Variants in LYRM7 observed in about 807,000 individuals in gnomAD.
LYRM7 encodes the protein LYR motif containing 7, also known as complex III assembly factor LYRM7.
Under a neutral mutation model 15.8 loss-of-function variants are expected in LYRM7, and 9 were observed. The ratio of observed to expected loss-of-function variants is 0.57; its 90% CI spans 0.34 to 0.99. LYRM7 has a LOEUF of 0.99. Ranked by LOEUF, LYRM7 falls within the 50% of genes least tolerant of loss-of-function variation. LYRM7 has a pLI of 0.02. For synonymous variants in LYRM7, 39 were observed against 39.4 expected (o/e 0.99, Z 0.04); for missense variants, 115 against 119.1 (o/e 0.97, Z 0.16).
At chr5:131,173,386 A>C (rs907548909) in intron 1 of LYRM7, among the ~76,000 whole-genome samples, 2 of 152,248 alleles carry the variant, frequency 1.3e-5, no homozygotes, top group African/African-American at 4.8e-5. Context: ...GTCCCAGTGC[A>C]TATAAAAGTT....
chr5:131,196,726 G>T (rs1755970861), intron 4 of LYRM7, among the ~76,000 whole-genome samples: 1 of 151,642 alleles, frequency 6.6e-6, no homozygotes, highest in South Asian at 2.1e-4. Flanking sequence ...GAAGTACAGT[G>T]GCACGATCTC....
intron 4 of LYRM7, among the ~76,000 whole-genome samples, chr5:131,191,128 C>T (rs1263889668): frequency 6.6e-6 from 1 of 151,142 alleles, no homozygotes; most frequent in Non-Finnish European, 1.5e-5. Flanking sequence ...ATACATATTG[C>T]CTTAATAATA....
intron 1 of LYRM7, among the ~76,000 whole-genome samples, chr5:131,173,791 A>T (rs1409947922): frequency 6.6e-6 from 1 of 152,240 alleles, no homozygotes; most frequent in Non-Finnish European, 1.5e-5. Flanking sequence ...AAATAAAAAA[A>T]TACTTTTTTG....
At chr5:131,175,174 C>T (rs1755580873) in intron 1 of LYRM7, among the ~76,000 whole-genome samples, 1 of 150,032 alleles carries the variant, frequency 6.7e-6, no homozygotes, top group Admixed American at 6.6e-5. Context: ...TTGGCTTCAA[C>T]TCAAAGTCAC....
intron 4 of LYRM7, among the ~76,000 whole-genome samples, chr5:131,191,784 C>A (rs1755889446): frequency 6.6e-6 from 1 of 151,946 alleles, no homozygotes; most frequent in Admixed American, 6.6e-5. Flanking sequence ...AACTCTTATA[C>A]ACTGTTGGTG....
intron 2 of LYRM7, among the ~76,000 whole-genome samples, chr5:131,180,399 G>T (rs1755673003): frequency 6.6e-6 from 1 of 152,102 alleles, no homozygotes; most frequent in Non-Finnish European, 1.5e-5. Flanking sequence ...AAAGGCGAGG[G>T]ACCAGAATTT....
intron 3 of LYRM7, among the ~76,000 whole-genome samples, chr5:131,185,282 G>T (rs1031843056): frequency 4.6e-5 from 7 of 152,108 alleles, no homozygotes; most frequent in African/African-American, 1.7e-4. Flanking sequence ...TCTGACCTTT[G>T]TTACCTTGCC....
intron 2 of LYRM7, 69 bp from the exon 3 acceptor site, chr5:131,182,160 G>A: frequency 1.6e-6 from 2 of 1,245,196 alleles, no homozygotes; most frequent in Non-Finnish European, 2.1e-6. Flanking sequence ...AGTGAATAAT[G>A]TGTCAATTAT....
intron 1 of LYRM7, 78 bp from the exon 2 acceptor site, chr5:131,180,017 C>A: frequency 1.1e-6 from 1 of 937,668 alleles, no homozygotes; most frequent in Non-Finnish European, 1.7e-6. Flanking sequence ...AGCGATCCTG[C>A]TACCTCAACT....
rs2149668505 is a variant in LYRM7, at chr5:131,203,306, T to C, written c.*3705T>C. On this transcript the variant is annotated 3_prime_UTR_variant, in exon 5 of 5. Transcript: ENST00000379380. The stretch of plus-strand genomic sequence containing the variant: ...AAATAGACTTTTTAAAGTCTGGGAA[T>C]AGACTTCTAAAATAAGCTATAACAC... 1 of 152,384 alleles carries C rather than the reference T, an allele frequency of 6.6e-6. No homozygotes were observed. The highest frequency in any genetic ancestry group is 3.4e-3 in the Middle Eastern group (1 of 294). 9.4% of individuals were successfully genotyped at this position (152,384 alleles called of 1,614,324 possible).
In LYRM7 at chr5:131,199,562, A is replaced by T. The variant is rs780417046; in HGVS notation, c.276A>T (p.Glu92Asp). The change falls in exon 5 of 5, where the codon GAA becomes GAT. Residue 92 changes from glutamate to aspartate, a missense_variant. Physicochemically the swap from Glu to Asp is conservative, Grantham distance 45. Coordinates refer to ENST00000379380, the MANE Select transcript of LYRM7 (RefSeq NM_181705.4). ...TCCCTAGGAAAGACCTTCTTGTAGAAAATGTGCCATATTGTGATGCACCAA... is the reference window on the plus strand; with the variant it reads ...TCCCTAGGAAAGACCTTCTTGTAGATAATGTGCCATATTGTGATGCACCAA... ...KLVPRKDLLV[E>D]NVPYCDAPTQ... is the part of the protein sequence containing the mutation. 2 of 1,606,428 alleles carry T rather than the reference A, an allele frequency of 1.2e-6. No individual in the cohort carries two copies. Among genetic ancestry groups the T allele is most frequent in the Non-Finnish European group, 1.7e-6 (2 of 1,176,502 alleles).
At chr5:131,193,516 A>G (rs1755917111) in intron 4 of LYRM7, among the ~76,000 whole-genome samples, 1 of 152,122 alleles carries the variant, frequency 6.6e-6, no homozygotes, top group Non-Finnish European at 1.5e-5. Context: ...TATAATATAC[A>G]TAATGTGCTT....
At chr5:131,172,490 G>GA (rs1417733703) in intron 1 of LYRM7, among the ~76,000 whole-genome samples, 1 of 152,138 alleles carries the variant, frequency 6.6e-6, no homozygotes, top group Non-Finnish European at 1.5e-5. Context: ...CTAGAGAAGA[G>GA]AAAAAAGCAT....
Position 131,199,767 on chromosome 5 carries a change from A to C in LYRM7, c.*166A>C, listed in dbSNP as rs1239057104. On this transcript the variant is annotated 3_prime_UTR_variant, in exon 5 of 5. Transcript: ENST00000379380. ...TCATGTTAAAAGGTCATTACTGAGA[A>C]CTAAAGAACATAATTAAGTATTTCT... 6.9e-6 allele frequency: 3 copies of C among 434,774 alleles called. No individual in the cohort carries two copies. Among genetic ancestry groups the C allele is most frequent in the Non-Finnish European group, 1.2e-5 (3 of 240,120 alleles). 26.9% of individuals were successfully genotyped at this position (434,774 alleles called of 1,614,324 possible).
At position 131,187,047 on chromosome 5, in the gene LYRM7, A is replaced by G. The variant is rs1451408894; in HGVS notation, c.182A>G (p.Asp61Gly). The change falls in exon 4 of 5, where the codon GAT (aspartate) becomes GGT (glycine). Residue 61 changes from aspartate (D) to glycine (G), a missense_variant. Physicochemically the swap from Asp to Gly is moderately conservative, Grantham distance 94. Coordinates refer to ENST00000379380, the MANE Select transcript of LYRM7 (RefSeq NM_181705.4). The stretch of plus-strand genomic sequence containing the variant: ...TAACAGCTAATGAAAATAGGTTCTG[A>G]TGTTGAATTATTACTCAGAACATCT... Reference protein sequence around the residue: ...KIEELMKIGSDVELLLRTSVI... With the variant: ...KIEELMKIGSGVELLLRTSVI... 18 of 1,554,238 alleles carry G rather than the reference A, an allele frequency of 1.2e-5. No individual in the cohort carries two copies. Among genetic ancestry groups the G allele is most frequent in the Non-Finnish European group, 1.6e-5 (18 of 1,140,400 alleles).
At chr5:131,197,742 G>A (rs779164129) in intron 4 of LYRM7, among the ~76,000 whole-genome samples, 4 of 150,960 alleles carry the variant, frequency 2.6e-5, no homozygotes, top group Non-Finnish European at 3.0e-5. Flanking sequence ...ACAGAGTCTC[G>A]CTGTGTTTCC....
chr5:131,182,773 T>G (rs1288100405), intron 3 of LYRM7, among the ~76,000 whole-genome samples: 2 of 152,200 alleles, frequency 1.3e-5, no homozygotes, highest in Non-Finnish European at 2.9e-5. Context: ...TTGCTCTAGT[T>G]GAAGACACTG....
At chr5:131,192,821 A>G (rs906680482) in intron 4 of LYRM7, among the ~76,000 whole-genome samples, 2 of 152,150 alleles carry the variant, frequency 1.3e-5, no homozygotes, top group Non-Finnish European at 2.9e-5. Flanking sequence ...AGTTAGAAAA[A>G]TACTCAGGTT....
At chr5:131,184,451 C>T (rs1223128907) in intron 3 of LYRM7, among the ~76,000 whole-genome samples, 2 of 152,188 alleles carry the variant, frequency 1.3e-5, no homozygotes, top group Non-Finnish European at 2.9e-5. Context: ...AAGCGACCCT[C>T]CTGCCTTAGC....
Sources: gnomAD v4.1 joint callset for allele counts (sites outside exome capture counted in the v4.1 genomes callset) on GRCh38, gnomAD v4.1.1 for gene constraint, MANE v1.5 for transcripts, NCBI Gene and HGNC (gene_info 2026-07-23, HGNC 2026-07-21) for gene names.